Variants in CDH24 observed in about 807,000 individuals in gnomAD.
CDH24 encodes the protein cadherin-24.
In CDH24, 61 loss-of-function variants were observed where a neutral mutation model predicts 71.2. The ratio of observed to expected loss-of-function variants is 0.86; its 90% CI spans 0.70 to 1.06. The LOEUF (loss-of-function observed/expected upper bound fraction) is 1.06. CDH24 is among the 50% of genes least tolerant of loss of function. The pLI, the probability that CDH24 is intolerant of heterozygous loss-of-function variation, is 0.00. For synonymous variants in CDH24, 440 were observed against 470.2 expected (o/e 0.94, Z 0.83); for missense variants, 961 against 1,083.7 (o/e 0.89, Z 1.59).
chr14:23,057,438 G>A lies in CDH24; in HGVS notation c.-160C>T. The A allele has an allele frequency of 6.6e-6, 1 of 152,178 alleles. No homozygotes were observed. Among genetic ancestry groups the A allele is most frequent in the Non-Finnish European group, 1.5e-5 (1 of 67,998 alleles). The allele number at this position is 152,178 out of a possible 1,614,324, so 9.4% of individuals were successfully genotyped here. A position where few individuals can be genotyped will look rare whatever the true frequency, so the allele number is the denominator to read the frequency against. On this transcript the variant is annotated 5_prime_UTR_variant, in exon 1 of 13. Coordinates refer to ENST00000487137, the MANE Select transcript of CDH24 (RefSeq NM_144985.4). The surrounding 1 kb of genome is among the most constrained non-coding windows in gnomAD (Gnocchi z 5.4). The stretch of plus-strand genomic sequence containing the variant: ...CGAGGGGCCCAGGCCGGCGGGAAGC[G>A]CCCCCGCCCGCCCCCGTCGCCGGGT...
intron 8 of CDH24, among the ~76,000 whole-genome samples, chr14:23,050,338 C>A (rs747063856): frequency 9.9e-5 from 15 of 152,172 alleles, no homozygotes; most frequent in Non-Finnish European, 1.8e-4. Context: ...GTACACTCAA[C>A]ATTTAAAACA....
chr14:23,056,015 G>C (rs2047127296), intron 1 of CDH24, among the ~76,000 whole-genome samples, 158 bp from the exon 2 acceptor site: 1 of 152,208 alleles, frequency 6.6e-6, no homozygotes, highest in Admixed American at 6.5e-5. Flanking sequence ...CCTCCACCCA[G>C]GCTCTGCATG....
rs1025067469 is a variant in CDH24, at chr14:23,047,746, A to G, written c.*234T>C. On this transcript the variant is annotated 3_prime_UTR_variant, in exon 12 of 13. Coordinates refer to ENST00000487137, the MANE Select transcript of CDH24 (RefSeq NM_144985.4). ...GCCAGGGCAGGAAACCCAGGCCCGG[A>G]CAGAGGAGCGTGTCACAGATAGAGA... is the stretch of plus-strand genomic sequence containing the variant. 1.1e-5 allele frequency: 4 copies of G among 350,130 alleles called. No homozygotes were observed. The highest frequency in any genetic ancestry group is 2.1e-5 in the African/African-American group (1 of 46,570). The allele number at this position is 350,130 out of a possible 1,614,324, so 21.7% of individuals were successfully genotyped here. A position where few individuals can be genotyped will look rare whatever the true frequency, so the allele number is the denominator to read the frequency against.
At position 23,047,266 on chromosome 14, in the gene CDH24, C is replaced by A. The variant is rs1179922659; in HGVS notation, c.*628G>T. The A allele has an allele frequency of 6.6e-6, 1 of 152,614 alleles. No individual in the cohort carries two copies. The highest frequency in any genetic ancestry group is 2.4e-5 in the African/African-American group (1 of 41,480). 9.5% of individuals were successfully genotyped at this position (152,614 alleles called of 1,614,324 possible). On this transcript the variant is annotated 3_prime_UTR_variant, in exon 13 of 13. Coordinates refer to ENST00000487137, the MANE Select transcript of CDH24 (RefSeq NM_144985.4). ...TCCAGGGAGGCGGCCACACGGGAGGCTGGAGCTCTTGCCCTGGGAGGCAGG... is the reference window on the plus strand; with the variant it reads ...TCCAGGGAGGCGGCCACACGGGAGGATGGAGCTCTTGCCCTGGGAGGCAGG...
chr14:23,048,276 C>T lies in CDH24; in HGVS notation c.2050G>A (p.Val684Met), dbSNP rs1260393862. Residue 684 changes from valine to methionine, a missense_variant, in exon 12 of 13, where the codon GTG becomes ATG. By Grantham distance (21) the Val-to-Met change is conservative. Around this residue, in one of 2 missense-constraint regions of CDH24, gnomAD observed 290 missense variants for 272.8 expected, o/e 1.06. Coordinates refer to ENST00000487137, the MANE Select transcript of CDH24 (RefSeq NM_144985.4). The stretch of plus-strand genomic sequence containing the variant: ...CGCGACACCCGGGCCCGGGGCAACA[C>T]GTCTCGGCGCGCGGGAGGGCCGGGC... ...PAPGPPARRD[V>M]LPRARVSRQP... The T allele has an allele frequency of 1.9e-6, 3 of 1,561,626 alleles. No individual in the cohort carries two copies. Among genetic ancestry groups the T allele is most frequent in the Non-Finnish European group, 2.6e-6 (3 of 1,159,696 alleles).
intron 11 of CDH24, 121 bp downstream of exon 11, chr14:23,048,906 A>T: frequency 8.4e-7 from 1 of 1,183,704 alleles, no homozygotes; most frequent in Non-Finnish European, 1.2e-6. Flanking sequence ...TGGTGGGAAA[A>T]TCCAGGTATG....
chr14:23,052,816 G>A (rs1005973481), intron 7 of CDH24, among the ~76,000 whole-genome samples: 5 of 152,132 alleles, frequency 3.3e-5, no homozygotes, highest in Non-Finnish European at 7.3e-5. Context: ...AGGGCCACTG[G>A]GTTTCACGGG....
chr14:23,053,887 A>G, intron 6 of CDH24, 138 bp from the exon 7 acceptor site: 1 of 951,502 alleles, frequency 1.1e-6, no homozygotes, highest in East Asian at 2.7e-5. Flanking sequence ...CACTGGAGGG[A>G]CAGTGGCCTT....
In CDH24 at chr14:23,055,607, G is replaced by A. The variant is rs746293541; in HGVS notation, c.127C>T (p.Arg43Ter). 20 of 1,613,712 alleles carry A rather than the reference G, an allele frequency of 1.2e-5. No individual in the cohort carries two copies. The highest frequency in any genetic ancestry group is 2.2e-5 in the South Asian group (2 of 91,064). ...AACTGGTTCCAGACCCAGCTCCTTC[G>A]AGTCCGCAGCAGAGCAGGCCCTGGG... ...EHPGPALLRT[R>*]RSWVWNQFFV... The change falls in exon 2 of 13, where the codon CGA becomes TGA. Residue 43 changes from arginine to a stop codon, truncating the protein, a stop_gained. Coordinates refer to ENST00000487137, the MANE Select transcript of CDH24 (RefSeq NM_144985.4). LOFTEE classifies it high-confidence loss of function. The surrounding 1 kb of genome is among the most constrained non-coding windows in gnomAD (Gnocchi z 4.1).
rs1348311628 is a variant in CDH24 at position 23,049,732 on chromosome 14, G to T, written c.1492C>A (p.Gln498Lys). The stretch of plus-strand genomic sequence containing the variant: ...TCTCTGTCCAGGGCCCGGATGACCT[G>T]AATCAGCTGGGAGGAAGAAGAGAGA... ...CDSAAPGQLIQVIRALDRDEV... is the reference protein window; with the variant it reads ...CDSAAPGQLIKVIRALDRDEV... Residue 498 changes from glutamine to lysine, a missense_variant, in exon 10 of 13, where the codon CAG becomes AAG. By Grantham distance (53) the Gln-to-Lys change is moderately conservative. This residue lies in a region of CDH24 where 671 missense variants were observed against 810.9 expected (regional missense o/e 0.83). Transcript: ENST00000487137. 6.2e-7 allele frequency: 1 copy of T among 1,612,002 alleles called. No homozygotes were observed. Among genetic ancestry groups the T allele is most frequent in the East Asian group, 2.2e-5 (1 of 44,864 alleles).
At chr14:23,049,505 A>C in intron 10 of CDH24, 122 bp downstream of exon 10, 1 of 712,578 alleles carries the variant, frequency 1.4e-6, no homozygotes, top group Non-Finnish European at 2.4e-6. Context: ...GTCCACACCC[A>C]TCTTCTGTTG....
At position 23,053,681 on chromosome 14, in the gene CDH24, T is replaced by C. The variant is rs1471756979; in HGVS notation, c.1041A>G (p.Pro347=). The change falls in exon 7 of 13, where the codon CCA becomes CCG. Residue 347 remains proline (P), a synonymous_variant. Coordinates refer to ENST00000487137, the MANE Select transcript of CDH24 (RefSeq NM_144985.4). ...TGAAGGGCCCTCGCCGCAGATAGGC[T>C]GGGTCAATGAGCGTGTTGGTGGCCT... The part of the protein sequence containing the change: ...RVEATNTLID[P]AYLRRGPFKD... 6.2e-7 allele frequency: 1 copy of C among 1,613,892 alleles called. No individual in the cohort carries two copies. Among genetic ancestry groups the C allele is most frequent in the Non-Finnish European group, 8.5e-7 (1 of 1,179,926 alleles).
In CDH24 at chr14:23,047,903, CTGG is replaced by C; in HGVS notation, c.*74_*76del. The C allele has an allele frequency of 8.7e-7, 1 of 1,154,424 alleles. No individual in the cohort carries two copies. The highest frequency in any genetic ancestry group is 1.1e-6 in the Non-Finnish European group (1 of 909,996). The allele number at this position is 1,154,424 out of a possible 1,614,324, so 71.5% of individuals were successfully genotyped here. On this transcript the variant is annotated 3_prime_UTR_variant, in exon 12 of 13. Transcript: ENST00000487137. The stretch of plus-strand genomic sequence containing the variant: ...GGGCCCCTGGGCTGCTGCCGCCCGC[CTGG>C]ACCCCGTGGGGCTCACTCAGAGGGC...
chr14:23,055,661 C>T lies in CDH24; in HGVS notation c.73G>A (p.Ala25Thr). The T allele has an allele frequency of 1.9e-6, 3 of 1,608,686 alleles. No individual in the cohort carries two copies. Among genetic ancestry groups the T allele is most frequent in the South Asian group, 2.2e-5 (2 of 90,654 alleles). The change falls in exon 2 of 13, where the codon GCC becomes ACC. Residue 25 changes from alanine (A) to threonine (T), a missense_variant. Around this residue, in one of 2 missense-constraint regions of CDH24, gnomAD observed 671 missense variants for 810.9 expected, o/e 0.83. Transcript: ENST00000487137. This position sits in a 1 kb window ranked among gnomAD's most constrained non-coding sequence, Gnocchi z 4.1. ...WGCMGRLAAP[A>T]RAWAGSREHP... is the part of the protein sequence containing the mutation. ...TCCCGGGACCCTGCCCAGGCCCGGG[C>T]TGGGGCTGCCAGACGCCCCATGCAG...
In CDH24 at chr14:23,054,676, AG is replaced by A; in HGVS notation, c.617-4del. On this transcript the variant is annotated splice_region_variant and splice_polypyrimidine_tract_variant and intron_variant, in intron 4 of 12. Coordinates refer to ENST00000487137, the MANE Select transcript of CDH24 (RefSeq NM_144985.4). This position sits in a 1 kb window ranked among gnomAD's most constrained non-coding sequence, Gnocchi z 5.2. ...GGGGATGGCTGTACGCACCACTCCT[AG>A]GGAGAGATGCTGGTCAGAGGGTGTC... The A allele has an allele frequency of 6.2e-7, 1 of 1,613,796 alleles. No homozygotes were observed. Among genetic ancestry groups the A allele is most frequent in the Non-Finnish European group, 8.5e-7 (1 of 1,179,898 alleles).
At position 23,052,592 on chromosome 14, in the gene CDH24, T is replaced by G. The variant is rs1469901168; in HGVS notation, c.1244A>C (p.His415Pro). The G allele has an allele frequency of 6.2e-7, 1 of 1,613,456 alleles. No individual in the cohort carries two copies. Among genetic ancestry groups the G allele is most frequent in the Non-Finnish European group, 8.5e-7 (1 of 1,179,806 alleles). The change falls in exon 8 of 13, where the codon CAC becomes CCC. Residue 415 changes from histidine (H) to proline (P), a missense_variant. His to Pro is a moderately conservative substitution (Grantham distance 77, BLOSUM62 -2). Around this residue, in one of 2 missense-constraint regions of CDH24, gnomAD observed 671 missense variants for 810.9 expected, o/e 0.83. Coordinates refer to ENST00000487137, the MANE Select transcript of CDH24 (RefSeq NM_144985.4). ...AGAGAAGCAACGCTCCGGATCTGAG[T>G]GGGGGAGGATGGAGTATCTGGGGAA... The part of the protein sequence containing the change: ...ASPIRYSILP[H>P]SDPERCFSIQ...
intron 8 of CDH24, chr14:23,052,188 T>C: frequency 2.6e-6 from 2 of 771,898 alleles, no homozygotes; most frequent in Non-Finnish European, 4.4e-6. Context: ...AGGGAATGAC[T>C]TGAGGGTCAG....
intron 7 of CDH24, among the ~76,000 whole-genome samples, chr14:23,052,832 G>T (rs942619685): frequency 6.6e-6 from 1 of 152,042 alleles, no homozygotes; most frequent in African/African-American, 2.4e-5. Context: ...ACGGGGGGAG[G>T]GGGAGAAGAC....
rs2047059854 is a variant in CDH24 at position 23,048,452 on chromosome 14, C to T, written c.1874G>A (p.Arg625Gln). 1.2e-6 allele frequency: 2 copies of T among 1,609,658 alleles called. No individual in the cohort carries two copies. Among genetic ancestry groups the T allele is most frequent in the Non-Finnish European group, 1.7e-6 (2 of 1,179,568 alleles). ...CATCAGTGCTTCTTGCTTCTGCCGC[C>T]GCAGGGCCACGAAGAGCACCACCAG... is the stretch of plus-strand genomic sequence containing the variant. The part of the protein sequence containing the change: ...LALVVLFVAL[R>Q]RQKQEALMVL... Residue 625 changes from arginine to glutamine, a missense_variant, in exon 12 of 13, where the codon CGG becomes CAG. Coordinates refer to ENST00000487137, the MANE Select transcript of CDH24 (RefSeq NM_144985.4).
Sources: allele counts gnomAD v4.1 joint callset (sites outside exome capture counted in the v4.1 genomes callset), GRCh38; gene constraint gnomAD v4.1.1; regional missense constraint gnomAD v4.1.1; non-coding constraint Gnocchi (gnomAD v3.1); transcripts MANE v1.5; gene names NCBI Gene and HGNC (gene_info 2026-07-23, HGNC 2026-07-21).